Variants in KIAA1217 observed in about 807,000 individuals in gnomAD.
KIAA1217 encodes sickle tail protein homolog.
Under a neutral mutation model 163.9 loss-of-function variants are expected in KIAA1217, and 88 were observed. That is an observed-to-expected ratio of 0.54 (90% confidence interval 0.45 to 0.64). The LOEUF (loss-of-function observed/expected upper bound fraction) is 0.64, where lower values mean the gene tolerates loss of function less well. Among genes scored for constraint, KIAA1217 ranks in the 30% least tolerant of loss-of-function variants. KIAA1217 has a pLI of 0.00. For synonymous variants in KIAA1217, 903 were observed against 923.1 expected (o/e 0.98, Z 0.39); for missense variants, 2,372 against 2,475.0 (o/e 0.96, Z 0.88).
At chr10:24,080,140 C>T (rs1456034733) in intron 2 of KIAA1217, among the ~76,000 whole-genome samples, 1 of 152,116 alleles carries the variant, frequency 6.6e-6, no homozygotes, top group African/African-American at 2.4e-5. Context: ...CTTCCAAGAC[C>T]TTCTTTTCCT....
intron 6 of KIAA1217, among the ~76,000 whole-genome samples, chr10:24,484,969 C>G (rs530526929): frequency 6.6e-6 from 1 of 152,214 alleles, no homozygotes; most frequent in East Asian, 1.9e-4. Flanking sequence ...CTGGAGCCTT[C>G]CCTAAGTGCA....
intron 2 of KIAA1217, among the ~76,000 whole-genome samples, chr10:24,107,139 G>C (rs938703093): frequency 6.6e-6 from 1 of 152,144 alleles, no homozygotes; most frequent in Non-Finnish European, 1.5e-5. Context: ...TGCAGTATTT[G>C]GTTTTCTGTT....
intron 1 of KIAA1217, among the ~76,000 whole-genome samples, chr10:23,856,719 C>T (rs1296428883): frequency 3.9e-5 from 6 of 152,266 alleles, no homozygotes; most frequent in South Asian, 2.1e-4. Flanking sequence ...CAATGGCAGG[C>T]GCCCCTCCCC....
At chr10:24,425,143 G>A (rs1591818229) in intron 3 of KIAA1217, among the ~76,000 whole-genome samples, 1 of 152,146 alleles carries the variant, frequency 6.6e-6, no homozygotes, top group South Asian at 2.1e-4. Flanking sequence ...TCCGTTTAGC[G>A]ATTTTTTAGA....
intron 3 of KIAA1217, among the ~76,000 whole-genome samples, chr10:24,397,251 G>A (rs577814042): frequency 2.0e-5 from 3 of 151,168 alleles, no homozygotes; most frequent in Admixed American, 6.6e-5. Context: ...CACCACACCC[G>A]GCTAATTTTT....
At chr10:24,042,183 AG>A (rs1177363057) in intron 2 of KIAA1217, 1 of 152,096 alleles carries the variant, frequency 6.6e-6, no homozygotes, top group African/African-American at 2.4e-5. Context: ...TCCGTTGAAA[AG>A]TGAAGCTCAA....
At chr10:24,420,766 T>G (rs1473025074) in intron 3 of KIAA1217, among the ~76,000 whole-genome samples, 2 of 152,186 alleles carry the variant, frequency 1.3e-5, no homozygotes, top group Admixed American at 1.3e-4. Context: ...CCGACACTAT[T>G]TATTGAATAG....
At chr10:24,309,773 A>G (rs1467401203) in intron 2 of KIAA1217, among the ~76,000 whole-genome samples, 6 of 152,196 alleles carry the variant, frequency 3.9e-5, no homozygotes, top group African/African-American at 1.4e-4. Context: ...CAGTTAATGC[A>G]GGTAATCCAT....
chr10:24,058,485 A>G (rs1012739864), intron 2 of KIAA1217, among the ~76,000 whole-genome samples: 1 of 152,202 alleles, frequency 6.6e-6, no homozygotes, highest in Non-Finnish European at 1.5e-5. Flanking sequence ...ACTGGGCAGT[A>G]TGAACACTTT....
intron 2 of KIAA1217, among the ~76,000 whole-genome samples, chr10:24,139,110 A>G (rs2063949417): frequency 6.6e-6 from 1 of 152,046 alleles, no homozygotes; most frequent in Non-Finnish European, 1.5e-5. Flanking sequence ...AGTTTTCTGT[A>G]TAATTATTTG....
chr10:24,460,542 T>C (rs1321838264), intron 5 of KIAA1217, among the ~76,000 whole-genome samples: 1 of 152,174 alleles, frequency 6.6e-6, no homozygotes, highest in East Asian at 1.9e-4. Flanking sequence ...TGTTACCCTC[T>C]GGGACTATTC....
chr10:24,449,217 A>AT (rs1179736788), intron 5 of KIAA1217, among the ~76,000 whole-genome samples: 1 of 152,142 alleles, frequency 6.6e-6, no homozygotes, highest in East Asian at 1.9e-4. Flanking sequence ...ATAAAGTCTT[A>AT]TTTTTTAGAA....
At chr10:24,311,265 A>G (rs1038278602) in intron 2 of KIAA1217, among the ~76,000 whole-genome samples, 3 of 152,170 alleles carry the variant, frequency 2.0e-5, no homozygotes, top group South Asian at 4.1e-4. Context: ...TTGGAGAACA[A>G]TCGAGACTGG....
chr10:23,825,008 G>A (rs989546949), intron 1 of KIAA1217, among the ~76,000 whole-genome samples: 9 of 151,926 alleles, frequency 5.9e-5, no homozygotes, highest in Admixed American at 2.0e-4. Flanking sequence ...AGATGTTATC[G>A]GGAACATCTG....
chr10:23,974,555 G>C (rs1335468075), intron 1 of KIAA1217, among the ~76,000 whole-genome samples: 1 of 152,082 alleles, frequency 6.6e-6, no homozygotes, highest in Non-Finnish European at 1.5e-5. Context: ...CCATCATTTT[G>C]GGAGGCCGAG....
intron 2 of KIAA1217, among the ~76,000 whole-genome samples, chr10:24,170,066 A>G (rs2065552731): frequency 6.6e-6 from 1 of 152,238 alleles, no homozygotes; most frequent in Non-Finnish European, 1.5e-5. Context: ...ATTTTATGCT[A>G]GTAAAGACAC....
At chr10:24,102,749 A>T (rs1314173701) in intron 2 of KIAA1217, among the ~76,000 whole-genome samples, 1 of 152,170 alleles carries the variant, frequency 6.6e-6, no homozygotes, top group Non-Finnish European at 1.5e-5. Context: ...ACCAACACAA[A>T]CATATTCAAC....
At chr10:24,382,929 C>T (rs796899824) in intron 3 of KIAA1217, among the ~76,000 whole-genome samples, 1 of 150,224 alleles carries the variant, frequency 6.7e-6, no homozygotes, top group African/African-American at 2.4e-5. Flanking sequence ...TTCACTACAG[C>T]CTCGACTTCC....
intron 1 of KIAA1217, among the ~76,000 whole-genome samples, chr10:23,745,109 A>T (rs1839326228): frequency 6.6e-6 from 1 of 152,204 alleles, no homozygotes; most frequent in African/African-American, 2.4e-5. Context: ...ACAGCCTCCA[A>T]AGACTGACGC....
Sources: allele counts gnomAD v4.1 joint callset (sites outside exome capture counted in the v4.1 genomes callset), GRCh38; gene constraint gnomAD v4.1.1; transcripts MANE v1.5; gene names NCBI Gene and HGNC (gene_info 2026-07-23, HGNC 2026-07-21).